Variants in ABTB3 observed in about 807,000 individuals in gnomAD.
ABTB3 encodes the protein ankyrin repeat and BTB domain containing 3.
chr12:107,580,899 G>A, the ABTB3 span: 1 of 1,551,276 alleles, frequency 6.4e-7, no homozygotes. Flanking sequence ...ATTATCCCCA[G>A]GCTACAGATG....
At chr12:107,373,992 T>C in the ABTB3 span, among the ~76,000 whole-genome samples, 2 of 152,130 alleles carry the variant, frequency 1.3e-5, no homozygotes, top group Non-Finnish European at 2.9e-5. Flanking sequence ...ACTGTTAGTG[T>C]GTGTCCTGGG....
At chr12:107,609,930 T>A in the ABTB3 span, 22 of 453,790 alleles carry the variant, frequency 4.8e-5, no homozygotes, top group African/African-American at 3.7e-4. Context: ...TAGTCCATAG[T>A]AAATATTCAA....
chr12:107,582,352 G>T, the ABTB3 span, among the ~76,000 whole-genome samples: 1 of 152,246 alleles, frequency 6.6e-6, no homozygotes, highest in Non-Finnish European at 1.5e-5. Flanking sequence ...CTGAGGCACA[G>T]ATAGGTTCAA....
the ABTB3 span, among the ~76,000 whole-genome samples, chr12:107,433,147 G>A: frequency 7.9e-5 from 12 of 151,456 alleles, no homozygotes; most frequent in African/African-American, 1.5e-4. Context: ...AAAATTAGCC[G>A]GGCGCGGTGG....
chr12:107,393,989 A>ACTTC, the ABTB3 span, among the ~76,000 whole-genome samples: 4 of 152,290 alleles, frequency 2.6e-5, no homozygotes, highest in South Asian at 8.3e-4. Context: ...AGGTGAGTTA[A>ACTTC]CTTCCTTAAG....
At chr12:107,578,057 C>T in the ABTB3 span, among the ~76,000 whole-genome samples, 1 of 152,046 alleles carries the variant, frequency 6.6e-6, no homozygotes, top group Non-Finnish European at 1.5e-5. Context: ...CAGCATTCTC[C>T]ACCCTCTCCT....
At chr12:107,639,393 A>C in the ABTB3 span, among the ~76,000 whole-genome samples, 1 of 152,174 alleles carries the variant, frequency 6.6e-6, no homozygotes, top group African/African-American at 2.4e-5. Flanking sequence ...TGGCTCCTGC[A>C]GTGAGGTGGG....
chr12:107,601,300 T>TTCAGACAC, the ABTB3 span, among the ~76,000 whole-genome samples: 1 of 152,222 alleles, frequency 6.6e-6, no homozygotes, highest in Non-Finnish European at 1.5e-5. Context: ...AGGCTTTGGA[T>TTCAGACAC]TCAGACACTC....
At chr12:107,432,287 G>T in the ABTB3 span, among the ~76,000 whole-genome samples, 1 of 152,206 alleles carries the variant, frequency 6.6e-6, no homozygotes, top group Non-Finnish European at 1.5e-5. Flanking sequence ...ATGGAATTGG[G>T]AGAGAAGGAA....
chr12:107,609,764 A>G, the ABTB3 span, among the ~76,000 whole-genome samples: 4 of 152,224 alleles, frequency 2.6e-5, no homozygotes, highest in Non-Finnish European at 5.9e-5. Flanking sequence ...CCTGGGTTCA[A>G]ATCCTAGCTC....
At chr12:107,436,846 G>A in the ABTB3 span, among the ~76,000 whole-genome samples, 2 of 151,752 alleles carry the variant, frequency 1.3e-5, no homozygotes, top group East Asian at 3.9e-4. Flanking sequence ...AGATCAGTAA[G>A]AAAAAAAATG....
chr12:107,574,450 C>T, the ABTB3 span, among the ~76,000 whole-genome samples: 1 of 152,158 alleles, frequency 6.6e-6, no homozygotes, highest in Non-Finnish European at 1.5e-5. Flanking sequence ...CAGCTGGGTG[C>T]GGTGGCTCAT....
At chr12:107,506,390 A>C in the ABTB3 span, among the ~76,000 whole-genome samples, 1 of 152,178 alleles carries the variant, frequency 6.6e-6, no homozygotes, top group Non-Finnish European at 1.5e-5. Context: ...CTGGGAAAAC[A>C]TGTGTGCATG....
chr12:107,499,207 G>A, the ABTB3 span, among the ~76,000 whole-genome samples: 2 of 152,210 alleles, frequency 1.3e-5, no homozygotes, highest in South Asian at 2.1e-4. Context: ...ATGACTTACT[G>A]GTTCTAAATA....
chr12:107,637,189 G>A, the ABTB3 span, among the ~76,000 whole-genome samples: 4 of 152,232 alleles, frequency 2.6e-5, no homozygotes, highest in East Asian at 1.9e-4. Flanking sequence ...TCAGGAGTTC[G>A]AGACCAGCCT....
At chr12:107,497,119 A>C in the ABTB3 span, among the ~76,000 whole-genome samples, 2 of 152,048 alleles carry the variant, frequency 1.3e-5, no homozygotes, top group Non-Finnish European at 2.9e-5. Flanking sequence ...AGCTCCTACC[A>C]TCATCGTTAC....
At chr12:107,569,618 C>G in the ABTB3 span, among the ~76,000 whole-genome samples, 4 of 152,158 alleles carry the variant, frequency 2.6e-5, no homozygotes. Context: ...AGGTTTTTGT[C>G]CTTTTTTTGT....
chr12:107,508,078 GGA>G, the ABTB3 span, among the ~76,000 whole-genome samples: 1 of 140,506 alleles, frequency 7.1e-6, no homozygotes, highest in African/African-American at 2.9e-5. Context: ...ATGGATGGAT[GGA>G]TGGATGGATG....
At chr12:107,597,023 G>A in the ABTB3 span, among the ~76,000 whole-genome samples, 1 of 152,232 alleles carries the variant, frequency 6.6e-6, no homozygotes, top group African/African-American at 2.4e-5. Flanking sequence ...GAACTCTACT[G>A]AGCAGCCTGG....
Sources: gnomAD v4.1 joint callset for allele counts (sites outside exome capture counted in the v4.1 genomes callset) on GRCh38, gnomAD v4.1.1 for gene constraint, MANE v1.5 for transcripts, NCBI Gene and HGNC (gene_info 2026-07-23, HGNC 2026-07-21) for gene names.